The following MUC5B variants were observed in gnomAD, a reference collection of about 807,000 sequenced individuals.
MUC5B encodes the protein mucin-5B.
MUC5B carries 116 observed loss-of-function variants against 376.9 expected under a neutral mutation model. The observed-to-expected ratio is 0.31, with a 90% CI of 0.26 to 0.36. MUC5B has a LOEUF of 0.36. MUC5B is among the 10% of genes least tolerant of loss of function. The pLI is 1.00. For missense variants in MUC5B, 7,165 were observed against 7,769.9 expected, an observed-to-expected ratio of 0.92 and a Z score of 2.93; for synonymous variants, 3,517 against 3,390.9, an observed-to-expected ratio of 1.04 and a Z score of -1.29.
chr11:1,226,055 C>T (rs1386127352), intron 2 of MUC5B, 150 bp from the exon 3 acceptor site: 4 of 764,520 alleles, frequency 5.2e-6, no homozygotes, highest in Non-Finnish European at 8.3e-6. Flanking sequence ...GCAGACAGGG[C>T]CAAGGGTAAA....
chr11:1,244,779 G>C lies in MUC5B; in HGVS notation c.7899G>C (p.Trp2633Cys), dbSNP rs761890561. 6 of 1,612,192 alleles carry C rather than the reference G, an allele frequency of 3.7e-6. No individual in the cohort carries two copies. In the South Asian group the frequency reaches 6.6e-5, roughly 18 times the overall value. Residue 2633 changes from tryptophan (W) to cysteine (C), a missense_variant, in exon 31 of 49, where the codon TGG becomes TGC. Physicochemically the swap from Trp to Cys is radical, Grantham distance 215. This residue lies in a region of MUC5B where 141 missense variants were observed against 111.2 expected (regional missense o/e 1.27). Coordinates refer to ENST00000529681, the MANE Select transcript of MUC5B (RefSeq NM_002458.3). The part of the protein sequence containing the change: ...SPGTARTLPV[W>C]ISTTTTPTTR... ...GGACGGCACGCACGCTTCCAGTGTG[G>C]ATCAGCACAACCACCACACCCACAA...
At chr11:1,239,069 TG>T in intron 26 of MUC5B, 42 bp downstream of exon 26, 1 of 1,556,466 alleles carries the variant, frequency 6.4e-7, no homozygotes, top group Non-Finnish European at 8.7e-7. Context: ...GTGGAGCTGC[TG>T]GGGCAGGGGA....
At position 1,248,607 on chromosome 11, in the gene MUC5B, C is replaced by T. The variant is rs1430121849; in HGVS notation, c.11727C>T (p.Val3909=). 1.2e-5 allele frequency: 19 copies of T among 1,612,790 alleles called. No homozygotes were observed. Among genetic ancestry groups the T allele is most frequent in the Non-Finnish European group, 1.5e-5 (18 of 1,179,508 alleles). The change falls in exon 31 of 49, where the codon GTC becomes GTT. Residue 3909 remains valine, a synonymous_variant. Coordinates refer to ENST00000529681, the MANE Select transcript of MUC5B (RefSeq NM_002458.3). ...GCTCCACGGTGACCCCCTCCTCCGT[C>T]CCGGGGACCACCCACACCCCCACAG... ...TSGSTVTPSS[V]PGTTHTPTVL... is the part of the protein sequence containing the mutation.
chr11:1,239,891 AACT>A lies in MUC5B; in HGVS notation c.3681_3683del (p.Tyr1228del). On this transcript the variant is annotated inframe_deletion, in exon 28 of 49. Coordinates refer to ENST00000529681, the MANE Select transcript of MUC5B (RefSeq NM_002458.3). The stretch of plus-strand genomic sequence containing the variant: ...GTGTGGCTGCTACGACAAGGACGGA[AACT>A]ACTATGACGTCGGTGCAAGGGTCCC... The A allele has an allele frequency of 6.2e-7, 1 of 1,613,348 alleles. No homozygotes were observed.
In MUC5B at chr11:1,253,550, T is replaced by C. The variant is rs1862757797; in HGVS notation, c.15218-542T>C. ...GCTGCTGTTCCAAACCGCCACAAGCTGGGGAGCTTATACAACAGAAACCCA... is the reference window on the plus strand; with the variant it reads ...GCTGCTGTTCCAAACCGCCACAAGCCGGGGAGCTTATACAACAGAAACCCA... On this transcript the variant is annotated intron_variant, in intron 33 of 48. Coordinates refer to ENST00000529681, the MANE Select transcript of MUC5B (RefSeq NM_002458.3). The surrounding 1 kb of genome is among the most constrained non-coding windows in gnomAD (Gnocchi z 4.3). 6.6e-6 allele frequency among the ~76,000 whole-genome samples: 1 copy of C among 152,124 alleles called. No homozygotes were observed. The highest frequency in any genetic ancestry group is 1.5e-5 in the Non-Finnish European group (1 of 68,024).
chr11:1,232,190 C>G (rs899505917), intron 15 of MUC5B, 30 bp downstream of exon 15: 2 of 1,557,728 alleles, frequency 1.3e-6, no homozygotes, highest in African/African-American at 2.7e-5. Flanking sequence ...CCACAGTCAC[C>G]CCAGGCTCAA....
intron 8 of MUC5B, 66 bp downstream of exon 8, chr11:1,228,831 G>A: frequency 7.5e-7 from 1 of 1,332,374 alleles, no homozygotes; most frequent in South Asian, 1.5e-5. Context: ...AGCGCCTTGG[G>A]GGCCACTGGG....
chr11:1,232,230 G>T lies in MUC5B; in HGVS notation c.1843+70G>T, dbSNP rs995417444. ...CACCCAGCACCTTCCTGTCCCCTGG[G>T]CCACGGGGACCCCTGGGTGGGATTG... On this transcript the variant is annotated intron_variant, in intron 15 of 48. Coordinates refer to ENST00000529681, the MANE Select transcript of MUC5B (RefSeq NM_002458.3). The T allele has an allele frequency of 1.2e-5, 18 of 1,487,806 alleles. No homozygotes were observed. The Admixed American group carries it at 3.9e-4, about 33-fold the overall frequency. The allele number at this position is 1,487,806 out of a possible 1,614,324, so 92.2% of individuals were successfully genotyped here.
rs776419363 is a variant in MUC5B, at chr11:1,247,395, G to A, written c.10515G>A (p.Ser3505=). 1.4e-5 allele frequency: 23 copies of A among 1,608,918 alleles called. No individual in the cohort carries two copies. The highest frequency in any genetic ancestry group is 1.9e-5 in the Non-Finnish European group (22 of 1,178,724). ...CAACCACCAGTACCACCCAGCACTC[G>A]ACTCCAGCCCTGTCCAGCCCTCACC... ...PAATTSTTQH[S]TPALSSPHPS... is the part of the protein sequence containing the mutation. Residue 3505 remains serine, a synonymous_variant, in exon 31 of 49, where the codon TCG becomes TCA. Coordinates refer to ENST00000529681, the MANE Select transcript of MUC5B (RefSeq NM_002458.3).
In MUC5B at chr11:1,223,436, G is replaced by A. The variant is rs751464115; in HGVS notation, c.70+243G>A. Reference sequence around the variant, plus strand: ...TCCAGGAGAAGGTGGGCCCCTGACCGCAGGGCAAGGCCCCTGGGAGACCAC... The same window carrying A: ...TCCAGGAGAAGGTGGGCCCCTGACCACAGGGCAAGGCCCCTGGGAGACCAC... On this transcript the variant is annotated intron_variant, in intron 1 of 48. Transcript: ENST00000529681. The A allele has an allele frequency of 1.9e-5, 12 of 633,082 alleles. No homozygotes were observed. In the South Asian group the frequency reaches 1.9e-4, roughly 10 times the overall value. The allele number at this position is 633,082 out of a possible 1,614,324, so 39.2% of individuals were successfully genotyped here.
In MUC5B at chr11:1,244,878, C is replaced by A; in HGVS notation, c.7998C>A (p.Thr2666=). 6.2e-7 allele frequency: 1 copy of A among 1,613,104 alleles called. No homozygotes were observed. Among genetic ancestry groups the A allele is most frequent in the East Asian group, 2.2e-5 (1 of 44,850 alleles). Reference sequence around the variant, plus strand: ...CCCCCACAGTGCTGACCACCACCACCACAACTGTGGCCACTGGTTCTATGG... The same window carrying A: ...CCCCCACAGTGCTGACCACCACCACAACAACTGTGGCCACTGGTTCTATGG... ...THTPTVLTTT[T]TTVATGSMAT... is the part of the protein sequence containing the mutation. Residue 2666 remains threonine (T), a synonymous_variant, in exon 31 of 49, where the codon ACC becomes ACA. Transcript: ENST00000529681.
Position 1,236,513 on chromosome 11 carries a change from C to T in MUC5B, c.3008C>T (p.Ser1003Phe). 1 of 1,613,082 alleles carries T rather than the reference C, an allele frequency of 6.2e-7. No homozygotes were observed. Among genetic ancestry groups the T allele is most frequent in the Non-Finnish European group, 8.5e-7 (1 of 1,179,828 alleles). The stretch of plus-strand genomic sequence containing the variant: ...ATCGAGACCCACGGGATGGCCGTGT[C>T]CTGGGACCGGAAGACCAGCGTGTTC... ...LVIETHGMAV[S>F]WDRKTSVFIR... is the part of the protein sequence containing the mutation. The change falls in exon 24 of 49, where the codon TCC becomes TTC. Residue 1003 changes from serine (S) to phenylalanine (F), a missense_variant. Coordinates refer to ENST00000529681, the MANE Select transcript of MUC5B (RefSeq NM_002458.3).
rs377668969 is a variant in MUC5B, at chr11:1,245,182, C to T, written c.8302C>T (p.Arg2768Cys). ...GTCCCCCAGCAGTCCCCACACGGTG[C>T]GCACAGCCTGGACTTCGGCCACCTC... ...SLSPSSPHTV[R>C]TAWTSATSGT... The change falls in exon 31 of 49, where the codon CGC becomes TGC. Residue 2768 changes from arginine to cysteine, a missense_variant. Physicochemically the swap from Arg to Cys is radical, Grantham distance 180. This residue lies in a region of MUC5B where 70 missense variants were observed against 169.1 expected (regional missense o/e 0.41). Coordinates refer to ENST00000529681, the MANE Select transcript of MUC5B (RefSeq NM_002458.3). 5.1e-4 allele frequency: 815 copies of T among 1,583,844 alleles called. 6 individuals are homozygous for T. The African/African-American group carries it at 6.6e-3, about 13-fold the overall frequency.
In MUC5B at chr11:1,257,475, A is replaced by C; in HGVS notation, c.16270-55A>C. The stretch of plus-strand genomic sequence containing the variant: ...GGAGGGGGTGGCTGGACAGATGCCC[A>C]GGGTTGACCTGTGTCTGTCCAGGAG... On this transcript the variant is annotated intron_variant, in intron 40 of 48. Coordinates refer to ENST00000529681, the MANE Select transcript of MUC5B (RefSeq NM_002458.3). This position sits in a 1 kb window ranked among gnomAD's most constrained non-coding sequence, Gnocchi z 8.9. 1 of 1,581,822 alleles carries C rather than the reference A, an allele frequency of 6.3e-7. No homozygotes were observed. The highest frequency in any genetic ancestry group is 8.6e-7 in the Non-Finnish European group (1 of 1,160,864).
At chr11:1,252,318 C>G (rs772318300) in intron 31 of MUC5B, 25 bp from the exon 32 acceptor site, 5 of 1,522,778 alleles carry the variant, frequency 3.3e-6, no homozygotes, top group Non-Finnish European at 4.4e-6. Context: ...AGTGGCTTAT[C>G]TTTCTATGGT....
In MUC5B at chr11:1,232,176, AC is replaced by A; in HGVS notation, c.1843+21del. The A allele has an allele frequency of 1.9e-6, 3 of 1,569,906 alleles. No individual in the cohort carries two copies. The highest frequency in any genetic ancestry group is 2.6e-6 in the Non-Finnish European group (3 of 1,155,894). On this transcript the variant is annotated intron_variant, in intron 15 of 48. Coordinates refer to ENST00000529681, the MANE Select transcript of MUC5B (RefSeq NM_002458.3). ...GTGGAGAATGGTACTCCTCGCCCCC[AC>A]CCCCACAGTCACCCCAGGCTCAAGT...
chr11:1,228,378 G>C (rs547491198), intron 7 of MUC5B, 186 bp from the exon 8 acceptor site: 3 of 580,846 alleles, frequency 5.2e-6, no homozygotes, highest in Non-Finnish European at 8.8e-6. Flanking sequence ...CCCCGGTCAC[G>C]GGTCACTCCC....
At position 1,233,155 on chromosome 11, in the gene MUC5B, G is replaced by A. The variant is rs531579962; in HGVS notation, c.2208G>A (p.Ala736=). 1.1e-4 allele frequency: 178 copies of A among 1,606,522 alleles called. No homozygotes were observed. Among genetic ancestry groups the A allele is most frequent in the Middle Eastern group, 3.3e-4 (2 of 6,058 alleles). The part of the protein sequence containing the change: ...FVPVDGCTCP[A]GTFLNDAGAC... ...CTGTGGACGGCTGCACCTGCCCCGC[G>A]GGCACCTTCCTCAATGACGCGGGCG... The change falls in exon 18 of 49, where the codon GCG becomes GCA. Residue 736 remains alanine (A), a synonymous_variant. Transcript: ENST00000529681.
chr11:1,240,631 C>T lies in MUC5B; in HGVS notation c.3971-220C>T, dbSNP rs148323890. Reference sequence around the variant, plus strand: ...CTGGACTCCGTCCCATCCCTCAGCACGGCCTATCCCAGCCAGCCAGCTCCC... The same window carrying T: ...CTGGACTCCGTCCCATCCCTCAGCATGGCCTATCCCAGCCAGCCAGCTCCC... On this transcript the variant is annotated intron_variant, in intron 30 of 48. Transcript: ENST00000529681. 2.5e-3 allele frequency among the ~76,000 whole-genome samples: 376 copies of T among 152,352 alleles called. 5 individuals are homozygous for T. The highest frequency in any genetic ancestry group is 8.2e-3 in the African/African-American group (343 of 41,580).
Sources: allele counts gnomAD v4.1 joint callset (sites outside exome capture counted in the v4.1 genomes callset), GRCh38; gene constraint gnomAD v4.1.1; regional missense constraint gnomAD v4.1.1; non-coding constraint Gnocchi (gnomAD v3.1); transcripts MANE v1.5; gene names NCBI Gene and HGNC (gene_info 2026-07-23, HGNC 2026-07-21).